The following IRAG1 variants were observed in gnomAD, a reference collection of about 807,000 sequenced individuals.
IRAG1 encodes the protein inositol 1,4,5-triphosphate receptor associated 1.
In IRAG1, 62 loss-of-function variants were observed where a neutral mutation model predicts 106.2. That is an observed-to-expected ratio of 0.58 (90% CI 0.48 to 0.72). IRAG1 has a LOEUF of 0.72. Ranked by LOEUF, IRAG1 falls within the 30% of genes least tolerant of loss-of-function variation. The pLI is 0.00. For synonymous variants in IRAG1, 462 were observed against 443.9 expected (o/e 1.04, Z -0.51); for missense variants, 1,064 against 1,140.7 (o/e 0.93, Z 0.97).
rs1314666052 is a variant in IRAG1 at position 10,684,454 on chromosome 11, T to C, written c.67+9082A>G. On this transcript the variant is annotated intron_variant, in intron 1 of 20. Transcript: ENST00000423302. Reference sequence around the variant, plus strand: ...GGGGAACATCACACTCTGGGGACTGTTGTGGGGTGGGGAGAGCGGGGAGGG... The same window carrying C: ...GGGGAACATCACACTCTGGGGACTGCTGTGGGGTGGGGAGAGCGGGGAGGG... Among the ~76,000 whole-genome samples the C allele has an allele frequency of 2.0e-5, 3 of 151,642 alleles. No individual in the cohort carries two copies. The East Asian group carries it at 5.8e-4, about 29-fold the overall frequency.
At chr11:10,688,991 C>T (rs751142938) in intron 1 of IRAG1, among the ~76,000 whole-genome samples, 3 of 152,130 alleles carry the variant, frequency 2.0e-5, no homozygotes, top group Non-Finnish European at 2.9e-5. Context: ...ACTGAATGAG[C>T]GACTGCAGGT....
chr11:10,648,954 G>C (rs139934858), intron 2 of IRAG1, among the ~76,000 whole-genome samples: 41 of 152,304 alleles, frequency 2.7e-4, no homozygotes, highest in African/African-American at 9.9e-4. Context: ...CACAACTAGG[G>C]CTGGACCCCG....
chr11:10,596,231 C>A (rs140342653), intron 15 of IRAG1, among the ~76,000 whole-genome samples: 340 of 152,294 alleles, frequency 2.2e-3, no homozygotes, highest in African/African-American at 7.9e-3. Context: ...CAGCGAGGGT[C>A]TATGAGAGGT....
chr11:10,615,806 A>T (rs553278568), intron 10 of IRAG1, among the ~76,000 whole-genome samples: 8 of 151,884 alleles, frequency 5.3e-5, no homozygotes, highest in Non-Finnish European at 7.4e-5. Flanking sequence ...TGGGGGAGGG[A>T]TAGCATTAGC....
At position 10,680,344 on chromosome 11, in the gene IRAG1, G is replaced by GGAAAGAAAGAAAGAAA. The variant is rs750310566; in HGVS notation, c.67+13176_67+13191dup. Among the ~76,000 whole-genome samples the GGAAAGAAAGAAAGAAA allele has an allele frequency of 1.7e-3, 116 of 67,918 alleles. 1 individual carries two copies. Among genetic ancestry groups the GGAAAGAAAGAAAGAAA allele is most frequent in the East Asian group, 0.013 (8 of 634 alleles). The allele number at this position is 67,918 out of a possible 152,430, so 44.6% of individuals were successfully genotyped here. ...AGGGGGGAAGGAAGGAAGGAAGGAA[G>GGAAAGAAAGAAAGAAA]GAAAGAAAGAAAGAAAGAAAGAAAG... On this transcript the variant is annotated intron_variant, in intron 1 of 20. Transcript: ENST00000423302.
chr11:10,584,114 C>A (rs908887222), intron 18 of IRAG1, among the ~76,000 whole-genome samples: 6 of 152,112 alleles, frequency 3.9e-5, no homozygotes, highest in African/African-American at 1.4e-4. Context: ...AGCCCACCTT[C>A]ATGTCCTGAT....
intron 18 of IRAG1, chr11:10,589,287 T>C (rs1852375979): frequency 1.3e-5 from 2 of 152,252 alleles, no homozygotes; most frequent in African/African-American, 4.8e-5. Flanking sequence ...TAACACATTA[T>C]TTCTCTTTCA....
chr11:10,688,367 C>G (rs775235324), intron 1 of IRAG1, among the ~76,000 whole-genome samples: 2 of 152,116 alleles, frequency 1.3e-5, no homozygotes, highest in Non-Finnish European at 2.9e-5. Flanking sequence ...ACTCAGAGCC[C>G]GGGGTTATTT....
At chr11:10,684,206 C>T (rs1430565079) in intron 1 of IRAG1, among the ~76,000 whole-genome samples, 1 of 152,094 alleles carries the variant, frequency 6.6e-6, no homozygotes, top group Non-Finnish European at 1.5e-5. Context: ...TGGAATCAAC[C>T]CAAATGTCCA....
intron 18 of IRAG1, among the ~76,000 whole-genome samples, chr11:10,586,448 C>T (rs531069757): frequency 1.1e-4 from 16 of 150,262 alleles, no homozygotes; most frequent in Non-Finnish European, 2.2e-4. Flanking sequence ...GACAGGGTCC[C>T]GCTCTGTCAC....
chr11:10,584,180 G>A (rs1294285260), intron 18 of IRAG1, among the ~76,000 whole-genome samples: 1 of 152,138 alleles, frequency 6.6e-6, no homozygotes, highest in African/African-American at 2.4e-5. Context: ...AACACTGTGA[G>A]CAGAGCTTTC....
rs1446403194 is a variant in IRAG1 at position 10,628,052 on chromosome 11, G to A, written c.653-27C>T. 6.2e-7 allele frequency: 1 copy of A among 1,613,144 alleles called. No individual in the cohort carries two copies. The highest frequency in any genetic ancestry group is 8.5e-7 in the Non-Finnish European group (1 of 1,179,444). On this transcript the variant is annotated intron_variant, in intron 6 of 20. Coordinates refer to ENST00000423302, the MANE Select transcript of IRAG1 (RefSeq NM_130385.4). This position sits in a 1 kb window ranked among gnomAD's most constrained non-coding sequence, Gnocchi z 4.1. ...TGGAAGGGTCCAGACACTAGTGAGT[G>A]AGGCCCAGCAGCCCAGGCCCTCAGC...
chr11:10,577,389 CCT>C (rs140476283), intron 20 of IRAG1, among the ~76,000 whole-genome samples: 8 of 150,668 alleles, frequency 5.3e-5, no homozygotes, highest in Non-Finnish European at 5.9e-5. Flanking sequence ...TTCATTTTGT[CCT>C]CTCTCTCTCT....
At chr11:10,609,702 T>A in intron 11 of IRAG1, 26 bp downstream of exon 11, 1 of 1,603,432 alleles carries the variant, frequency 6.2e-7, no homozygotes, top group East Asian at 2.2e-5. Context: ...GTACAGGGCC[T>A]TCTGTAACCC....
chr11:10,693,409 G>C (rs1167164696), intron 1 of IRAG1, 127 bp downstream of exon 1: 1 of 1,450,114 alleles, frequency 6.9e-7, no homozygotes, highest in African/African-American at 1.4e-5. Context: ...ACCCAACAAA[G>C]CCAGCTCCCC....
chr11:10,594,234 T>G, intron 15 of IRAG1, 39 bp from the exon 16 acceptor site: 1 of 1,587,662 alleles, frequency 6.3e-7, no homozygotes. Flanking sequence ...CACAGGTAAG[T>G]TTCAGGCTAG....
chr11:10,609,278 T>G (rs1854742036), intron 11 of IRAG1, among the ~76,000 whole-genome samples: 1 of 152,234 alleles, frequency 6.6e-6, no homozygotes. Flanking sequence ...TTCATTTGGT[T>G]ACTTAAATGT....
intron 1 of IRAG1, among the ~76,000 whole-genome samples, chr11:10,670,714 T>C (rs1008362532): frequency 6.6e-6 from 1 of 152,150 alleles, no homozygotes; most frequent in African/African-American, 2.4e-5. Context: ...ATGAGGCCAT[T>C]AGAATAGACC....
intron 4 of IRAG1, 172 bp from the exon 5 acceptor site, chr11:10,629,883 G>A (rs888495794): frequency 3.1e-6 from 2 of 640,370 alleles, no homozygotes; most frequent in East Asian, 2.8e-5. Context: ...GGCTTCCTCT[G>A]CAGGCCTGGC....
Sources: allele counts gnomAD v4.1 joint callset (sites outside exome capture counted in the v4.1 genomes callset), GRCh38; gene constraint gnomAD v4.1.1; non-coding constraint Gnocchi (gnomAD v3.1); transcripts MANE v1.5; gene names NCBI Gene and HGNC (gene_info 2026-07-23, HGNC 2026-07-21).